CDH26: variants seen among roughly 807,000 people sequenced by gnomAD.
The protein encoded by CDH26 is cadherin-like protein 26.
A neutral mutation model predicts 90.3 loss-of-function variants in CDH26; 83 were observed. The observed-to-expected ratio is 0.92, with a 90% CI of 0.77 to 1.10. The LOEUF (loss-of-function observed/expected upper bound fraction) is 1.10. CDH26 is among the 50% of genes least tolerant of loss of function. CDH26 has a pLI of 0.00. For missense variants in CDH26, 1,013 were observed against 1,037.6 expected, an observed-to-expected ratio of 0.98 and a Z score of 0.33; for synonymous variants, 397 against 396.3, an observed-to-expected ratio of 1.00 and a Z score of -0.02.
rs2061493619 is a variant in CDH26 at position 59,989,024 on chromosome 20, A to G, written c.1144A>G (p.Thr382Ala). ...QPPRKAAASA[T>A]VSVQVTDAND... is the part of the protein sequence containing the mutation. ...GCCAAGGAAGGCAGCAGCCAGCGCC[A>G]CTGTGAGTGTGCAGGTGACAGACGC... The change falls in exon 9 of 18, where the codon ACT becomes GCT. Residue 382 changes from threonine (T) to alanine (A), a missense_variant. By Grantham distance (58) the Thr-to-Ala change is moderately conservative. Transcript: ENST00000348616. The G allele has an allele frequency of 6.2e-7, 1 of 1,614,110 alleles. No individual in the cohort carries two copies. The highest frequency in any genetic ancestry group is 1.3e-5 in the African/African-American group (1 of 74,936).
intron 4 of CDH26, among the ~76,000 whole-genome samples, chr20:59,975,356 A>C (rs1226112371): frequency 2.0e-5 from 3 of 152,108 alleles, no homozygotes; most frequent in Non-Finnish European, 4.4e-5. Flanking sequence ...AGGAACACTG[A>C]GGTTTGCTAG....
In CDH26 at chr20:60,030,216, C is replaced by T. The variant is rs2062029690; in HGVS notation, c.948-1015C>T. ...TGCTACCTTTTTGCTGGGTGACTTC[C>T]CCAGTCTGGGCCTGTGTCTATTTGA... On this transcript the variant is annotated intron_variant, in intron 7 of 8. Coordinates refer to the CDH26 transcript ENST00000370991. This position sits in a 1 kb window ranked among gnomAD's most constrained non-coding sequence, Gnocchi z 4.0. 6.6e-6 allele frequency among the ~76,000 whole-genome samples: 1 copy of T among 152,132 alleles called. No homozygotes were observed.
chr20:59,984,244 A>T, intron 5 of CDH26, among the ~76,000 whole-genome samples: 1 of 150,574 alleles, frequency 6.6e-6, no homozygotes. Context: ...TCTTTTCTTC[A>T]TTTTTCTGTT....
exon 9 of CDH26, chr20:60,033,735 G>T: frequency 8.0e-7 from 1 of 1,255,018 alleles, no homozygotes; most frequent in Non-Finnish European, 1.0e-6. Context: ...CTTGGAAATG[G>T]CTTCCTGGAG....
At chr20:59,972,306 TG>T (rs1358780970) in intron 4 of CDH26, among the ~76,000 whole-genome samples, 183 bp downstream of exon 4, 15 of 152,210 alleles carry the variant, frequency 9.9e-5, no homozygotes, top group Non-Finnish European at 2.1e-4. Flanking sequence ...TTGTGGACTT[TG>T]GCTTTGTAAT....
chr20:59,973,216 G>A (rs2061285789), intron 4 of CDH26, among the ~76,000 whole-genome samples: 2 of 152,186 alleles, frequency 1.3e-5, no homozygotes, highest in South Asian at 2.1e-4. Context: ...CTGAAAGCCT[G>A]CATGTCTAGC....
intron 1 of CDH26, among the ~76,000 whole-genome samples, chr20:59,967,913 C>CT (rs2061186618): frequency 7.7e-6 from 1 of 130,132 alleles, no homozygotes; most frequent in African/African-American, 3.4e-5. Context: ...TCCTTCCTTT[C>CT]CTTTCCTTTC....
chr20:59,970,612 C>T (rs2061247706), intron 3 of CDH26, among the ~76,000 whole-genome samples: 1 of 151,650 alleles, frequency 6.6e-6, no homozygotes, highest in Admixed American at 6.6e-5. Context: ...AGATCGAGCC[C>T]ATCCTGGCCA....
At chr20:59,965,321 T>C (rs1479858650) in intron 1 of CDH26, among the ~76,000 whole-genome samples, 1 of 152,198 alleles carries the variant, frequency 6.6e-6, no homozygotes, top group Non-Finnish European at 1.5e-5. Context: ...GCTCTGTCCC[T>C]GGTGATTTAG....
rs777638717 is a variant in CDH26, at chr20:59,985,145, C to T, written c.837+16C>T. The T allele has an allele frequency of 3.0e-5, 48 of 1,612,098 alleles. No homozygotes were observed. Among genetic ancestry groups the T allele is most frequent in the African/African-American group, 2.1e-4 (16 of 74,880 alleles). On this transcript the variant is annotated intron_variant, in intron 7 of 17. Coordinates refer to ENST00000348616, the MANE Select transcript of CDH26 (RefSeq NM_177980.4). ...CCAGGAGAACGTGAGGCTCCTGGGC[C>T]GCCCCAACGTCTAAGCCCCAAAACA...
chr20:59,983,022 T>C lies in CDH26; in HGVS notation c.493T>C (p.Phe165Leu), dbSNP rs772306241. ...TGATGTGAATGATCATGCACCCCAG[T>C]TTCCAGAGAAGGAATTTAACATCAC... is the stretch of plus-strand genomic sequence containing the variant. ...ISDVNDHAPQ[F>L]PEKEFNITVQ... The change falls in exon 5 of 18, where the codon TTT becomes CTT. Residue 165 changes from phenylalanine to leucine, a missense_variant. Phe to Leu is a conservative substitution (Grantham distance 22). Coordinates refer to ENST00000348616, the MANE Select transcript of CDH26 (RefSeq NM_177980.4). 1.5e-5 allele frequency: 25 copies of C among 1,614,076 alleles called. No homozygotes were observed. The highest frequency in any genetic ancestry group is 2.1e-5 in the Non-Finnish European group (25 of 1,179,986).
exon 8 of CDH26, chr20:60,031,275 C>A (rs1392676491): frequency 7.9e-7 from 1 of 1,269,372 alleles, no homozygotes; most frequent in South Asian, 1.3e-5. Context: ...GCTGCATCAT[C>A]CCCCAGGGAA....
At chr20:59,967,890 TTCCTTCCTTCCTTCC>T (rs1279215692) in intron 1 of CDH26, among the ~76,000 whole-genome samples, 1 of 126,956 alleles carries the variant, frequency 7.9e-6, no homozygotes, top group African/African-American at 3.7e-5. Flanking sequence ...CCTTCCTTCC[TTCCTTCCTTCCTTCC>T]TTCCTTTCCT....
chr20:60,020,692 G>C (rs1164245885), intron 7 of CDH26, among the ~76,000 whole-genome samples: 5 of 152,174 alleles, frequency 3.3e-5, no homozygotes, highest in African/African-American at 7.2e-5. Flanking sequence ...GTGCTGTCCT[G>C]CAGTAGCTTG....
intron 16 of CDH26, among the ~76,000 whole-genome samples, chr20:60,003,552 G>C (rs6071074): frequency 6.6e-6 from 1 of 152,008 alleles, no homozygotes; most frequent in African/African-American, 2.4e-5. Context: ...TACAATGTTA[G>C]GATTCTCTTT....
At chr20:59,980,873 T>C (rs963326987) in intron 4 of CDH26, among the ~76,000 whole-genome samples, 4 of 152,224 alleles carry the variant, frequency 2.6e-5, no homozygotes, top group African/African-American at 9.6e-5. Context: ...AAAAGTTTTA[T>C]AGTTTTATGT....
intron 7 of CDH26, among the ~76,000 whole-genome samples, chr20:60,021,130 G>A (rs1468822514): frequency 2.0e-5 from 3 of 152,132 alleles, no homozygotes; most frequent in Non-Finnish European, 4.4e-5. Context: ...TTTCTTCGTG[G>A]GGGTCTGGGA....
chr20:59,964,817 AGT>A (rs2061125639), intron 1 of CDH26, among the ~76,000 whole-genome samples: 1 of 152,202 alleles, frequency 6.6e-6, no homozygotes, highest in African/African-American at 2.4e-5. Context: ...ACAGAGCTTT[AGT>A]GTTGAAAGAG....
rs1178424835 is a variant in CDH26 at position 60,012,589 on chromosome 20, G to A, written c.2358G>A (p.Glu786=). 3 of 1,614,092 alleles carry A rather than the reference G, an allele frequency of 1.9e-6. No individual in the cohort carries two copies. Among genetic ancestry groups the A allele is most frequent in the Non-Finnish European group, 2.5e-6 (3 of 1,180,040 alleles). ...DPGYLPHVYS[E]EGECGGAPSL... Reference sequence around the variant, plus strand: ...GCTACCTACCTCACGTCTACAGCGAGGAAGGGGAGTGTGGAGGGGCCCCAT... The same window carrying A: ...GCTACCTACCTCACGTCTACAGCGAAGAAGGGGAGTGTGGAGGGGCCCCAT... The change falls in exon 18 of 18, where the codon GAG becomes GAA. Residue 786 remains glutamate (E), a synonymous_variant. Coordinates refer to ENST00000348616, the MANE Select transcript of CDH26 (RefSeq NM_177980.4).
Sources: allele counts gnomAD v4.1 joint callset (sites outside exome capture counted in the v4.1 genomes callset), GRCh38; gene constraint gnomAD v4.1.1; non-coding constraint Gnocchi (gnomAD v3.1); transcripts MANE v1.5; gene names NCBI Gene and HGNC (gene_info 2026-07-23, HGNC 2026-07-21).